Variants in ABHD2 observed in about 807,000 individuals in gnomAD.
ABHD2 encodes abhydrolase domain containing 2, acylglycerol lipase.
In ABHD2, 20 loss-of-function variants were observed where a neutral mutation model predicts 48.1. The ratio of observed to expected loss-of-function variants is 0.42; its 90% CI spans 0.29 to 0.60. The LOEUF (loss-of-function observed/expected upper bound fraction) is 0.60, where lower values mean the gene tolerates loss of function less well. Ranked by LOEUF, ABHD2 falls within the 20% of genes least tolerant of loss-of-function variation. The pLI is 0.24. For synonymous variants in ABHD2, 209 were observed against 214.2 expected (o/e 0.98, Z 0.21); for missense variants, 405 against 550.9 (o/e 0.74, Z 2.65).
At chr15:89,190,606 G>C (rs1487149395) in intron 8 of ABHD2, among the ~76,000 whole-genome samples, 2 of 152,166 alleles carry the variant, frequency 1.3e-5, no homozygotes, top group Non-Finnish European at 1.5e-5. Context: ...CACAAGAGAT[G>C]TAACATACAC....
At chr15:89,099,282 A>T (rs570907035) in intron 1 of ABHD2, among the ~76,000 whole-genome samples, 4 of 152,350 alleles carry the variant, frequency 2.6e-5, no homozygotes, top group African/African-American at 9.6e-5. Flanking sequence ...CTTATCATCC[A>T]GCTTTGTTCC....
chr15:89,064,768 T>C, the ABHD2 span, among the ~76,000 whole-genome samples: 2 of 152,230 alleles, frequency 1.3e-5, no homozygotes, highest in African/African-American at 2.4e-5. Context: ...TTTTCAGTGA[T>C]GAACAATCTT....
chr15:89,197,237 C>G lies in ABHD2; in HGVS notation c.*1814C>G, dbSNP rs1567117256. On this transcript the variant is annotated 3_prime_UTR_variant, in exon 11 of 11. Coordinates refer to ENST00000352732, the MANE Select transcript of ABHD2 (RefSeq NM_152924.5). This position sits in a 1 kb window ranked among gnomAD's most constrained non-coding sequence, Gnocchi z 4.4. ...TCAAAAGCAGCCCTTATCTCAGAGA[C>G]TGAGATTTCTGTGGTCTCAACTTCG... 6.5e-6 allele frequency: 1 copy of G among 152,672 alleles called. No homozygotes were observed. Among genetic ancestry groups the G allele is most frequent in the Non-Finnish European group, 1.5e-5 (1 of 68,048 alleles). The allele number at this position is 152,672 out of a possible 1,614,324, so 9.5% of individuals were successfully genotyped here.
intron 8 of ABHD2, among the ~76,000 whole-genome samples, chr15:89,190,280 T>C (rs1476104387): frequency 6.6e-6 from 1 of 152,216 alleles, no homozygotes; most frequent in Non-Finnish European, 1.5e-5. Context: ...AGATTGAACC[T>C]TGAGGGGCCT....
chr15:89,073,329 T>C, the ABHD2 span, among the ~76,000 whole-genome samples: 1 of 152,214 alleles, frequency 6.6e-6, no homozygotes, highest in Non-Finnish European at 1.5e-5. Flanking sequence ...ACAGTCTTGC[T>C]CTGTTGCCCA....
Position 89,104,554 on chromosome 15 carries a change from C to T in ABHD2, c.-106-9171C>T, listed in dbSNP as rs114569105. On this transcript the variant is annotated intron_variant, in intron 1 of 10. Coordinates refer to ENST00000352732, the MANE Select transcript of ABHD2 (RefSeq NM_152924.5). This position sits in a 1 kb window ranked among gnomAD's most constrained non-coding sequence, Gnocchi z 4.4. The stretch of plus-strand genomic sequence containing the variant: ...GGGAGCCTTGTCTGCTCCCAGTCGG[C>T]GTTGGGAAACCAGAACGCTCAGGAA... 1.2e-3 allele frequency among the ~76,000 whole-genome samples: 190 copies of T among 152,264 alleles called. No individual in the cohort carries two copies. The highest frequency in any genetic ancestry group is 4.3e-3 in the African/African-American group (177 of 41,540).
Position 89,176,076 on chromosome 15 carries a change from G to A in ABHD2, c.722+81G>A. On this transcript the variant is annotated intron_variant, in intron 6 of 10. Coordinates refer to ENST00000352732, the MANE Select transcript of ABHD2 (RefSeq NM_152924.5). This position sits in a 1 kb window ranked among gnomAD's most constrained non-coding sequence, Gnocchi z 4.5. ...GCCCCGACGCACAACACACTGTTCT[G>A]TGAAGACCGGGGAACACTGTGGCCG... 7.1e-7 allele frequency: 1 copy of A among 1,407,668 alleles called. No individual in the cohort carries two copies. The highest frequency in any genetic ancestry group is 1.4e-5 in the South Asian group (1 of 69,140). The allele number at this position is 1,407,668 out of a possible 1,614,324, so 87.2% of individuals were successfully genotyped here.
rs953766913 is a variant in ABHD2 at position 89,164,874 on chromosome 15, TCTAA to T, written c.538+9343_538+9346del. 1.3e-5 allele frequency among the ~76,000 whole-genome samples: 2 copies of T among 152,124 alleles called. No individual in the cohort carries two copies. Among genetic ancestry groups the T allele is most frequent in the Non-Finnish European group, 2.9e-5 (2 of 68,020 alleles). ...ATTATCATCTTCATTGGCCCTTCAC[TCTAA>T]CTTTGTGTTTTCTGTGAGCCACCTT... On this transcript the variant is annotated intron_variant, in intron 5 of 10. Coordinates refer to ENST00000352732, the MANE Select transcript of ABHD2 (RefSeq NM_152924.5). This position sits in a 1 kb window ranked among gnomAD's most constrained non-coding sequence, Gnocchi z 5.0.
At chr15:89,130,985 T>C (rs2050210243) in intron 3 of ABHD2, among the ~76,000 whole-genome samples, 1 of 152,182 alleles carries the variant, frequency 6.6e-6, no homozygotes, top group Admixed American at 6.5e-5. Context: ...CCTCCTTCCT[T>C]CTGTCCTTCA....
intron 2 of ABHD2, 44 bp downstream of exon 2, chr15:89,113,868 T>C (rs1339475516): frequency 2.6e-5 from 4 of 152,190 alleles, no homozygotes; most frequent in African/African-American, 9.7e-5. Context: ...CCTCCCCTTA[T>C]GTTAGGAAGC....
chr15:89,049,319 G>A, the ABHD2 span, among the ~76,000 whole-genome samples: 1 of 152,248 alleles, frequency 6.6e-6, no homozygotes, highest in African/African-American at 2.4e-5. Flanking sequence ...ATTTAAGTCT[G>A]TAGAGGTTAC....
At chr15:89,156,721 GA>G (rs77163184) in intron 5 of ABHD2, among the ~76,000 whole-genome samples, 193 of 144,552 alleles carry the variant, frequency 1.3e-3, no homozygotes, top group African/African-American at 3.3e-3. Flanking sequence ...GACTCTGTCT[GA>G]AAAAAAAAAA....
intron 3 of ABHD2, among the ~76,000 whole-genome samples, chr15:89,130,638 A>C (rs974527525): frequency 5.9e-5 from 9 of 152,330 alleles, no homozygotes; most frequent in African/African-American, 2.2e-4. Flanking sequence ...CAGGTTGGAC[A>C]AGCTTGAGAG....
At position 89,128,659 on chromosome 15, in the gene ABHD2, A is replaced by G. The variant is rs145543148; in HGVS notation, c.194+12138A>G. The stretch of plus-strand genomic sequence containing the variant: ...ACTGTGCCCTTTGATTTTGTTTGCT[A>G]ATGGGTTTTGGGCCCCATCACTGGT... On this transcript the variant is annotated intron_variant, in intron 3 of 10. Transcript: ENST00000352732. Among the ~76,000 whole-genome samples, 303 of 152,110 alleles carry G rather than the reference A, an allele frequency of 2.0e-3. 2 individuals are homozygous for G. Among genetic ancestry groups the G allele is most frequent in the East Asian group, 0.015 (78 of 5,174 alleles).
chr15:89,201,870 G>A lies in ABHD2; in HGVS notation c.*6447G>A. On this transcript the variant is annotated 3_prime_UTR_variant, in exon 11 of 11. Coordinates refer to ENST00000352732, the MANE Select transcript of ABHD2 (RefSeq NM_152924.5). ...GCGGGGGACGATGGCGAGAGGGGAG[G>A]GGGAGCGAGTTCGCATCTCTCCTTT... 1 of 749,264 alleles carries A rather than the reference G, an allele frequency of 1.3e-6. No homozygotes were observed. 46.4% of individuals were successfully genotyped at this position (749,264 alleles called of 1,614,324 possible).
intron 3 of ABHD2, among the ~76,000 whole-genome samples, chr15:89,128,120 T>A (rs2050164968): frequency 6.6e-6 from 1 of 152,202 alleles, no homozygotes; most frequent in Non-Finnish European, 1.5e-5. Flanking sequence ...CAGTAGAGTC[T>A]TTTGGTAGGA....
chr15:89,159,597 C>T (rs76308003), intron 5 of ABHD2, among the ~76,000 whole-genome samples: 1,725 of 152,104 alleles, frequency 0.011, 25 homozygotes, highest in South Asian at 0.025. Context: ...CAGGGGAGTG[C>T]GCTATGGAAG....
At chr15:89,070,809 G>A in the ABHD2 span, among the ~76,000 whole-genome samples, 1 of 152,076 alleles carries the variant, frequency 6.6e-6, no homozygotes. Flanking sequence ...CATCATAAGG[G>A]GCCCCCTATC....
In ABHD2 at chr15:89,116,169, GT is replaced by G. The variant is rs1444793622; in HGVS notation, c.-6-152del. ...GTTGATTAGTAGCTGTAAGATGCTGGTGGTGTCTGCCTGTCAGGAGCCTGCG... is the reference window on the plus strand; with the variant it reads ...GTTGATTAGTAGCTGTAAGATGCTGGGGTGTCTGCCTGTCAGGAGCCTGCG... On this transcript the variant is annotated intron_variant, in intron 2 of 10. Transcript: ENST00000352732. The surrounding 1 kb of genome is among the most constrained non-coding windows in gnomAD (Gnocchi z 4.6). Among the ~76,000 whole-genome samples, 1 of 152,206 alleles carries G rather than the reference GT, an allele frequency of 6.6e-6. No homozygotes were observed. Among genetic ancestry groups the G allele is most frequent in the Non-Finnish European group, 1.5e-5 (1 of 68,028 alleles).
Sources: allele counts gnomAD v4.1 joint callset (sites outside exome capture counted in the v4.1 genomes callset), GRCh38; gene constraint gnomAD v4.1.1; non-coding constraint Gnocchi (gnomAD v3.1); transcripts MANE v1.5; gene names NCBI Gene and HGNC (gene_info 2026-07-23, HGNC 2026-07-21).